The following HOMER2 variants were observed in gnomAD, a reference collection of about 807,000 sequenced individuals.
The protein encoded by HOMER2 is homer protein homolog 2.
In HOMER2, 27 loss-of-function variants were observed where a neutral mutation model predicts 47.0. The ratio of observed to expected loss-of-function variants is 0.57; its 90% CI spans 0.42 to 0.79. The LOEUF (loss-of-function observed/expected upper bound fraction) is 0.79. Ranked by LOEUF, HOMER2 falls within the 30% of genes least tolerant of loss-of-function variation. The probability of loss-of-function intolerance (pLI) is 0.00; values close to 1 mark genes in which losing one functional copy is unlikely to be tolerated. For missense variants in HOMER2, 443 were observed against 435.0 expected (o/e 1.02, Z -0.16); for synonymous variants, 161 against 163.8 (o/e 0.98, Z 0.13).
intron 7 of HOMER2, among the ~76,000 whole-genome samples, chr15:82,851,669 GTCTATAGTCCCAGCTACACA>G (rs2051400896): frequency 6.6e-6 from 1 of 152,228 alleles, no homozygotes; most frequent in Non-Finnish European, 1.5e-5. Flanking sequence ...CATGGCGTGT[GTCTATAGTCCCAGCTACACA>G]GGAGGCTGAG....
chr15:82,958,727 G>C (rs567038857), exon 2 of HOMER2: 73 of 152,576 alleles, frequency 4.8e-4, no homozygotes, highest in African/African-American at 1.7e-3. Context: ...GAGCCAGGGA[G>C]CTCTGGCAAT....
chr15:82,958,969 C>T (rs919002370), exon 2 of HOMER2: 1 of 152,382 alleles, frequency 6.6e-6, no homozygotes, highest in African/African-American at 2.4e-5. Flanking sequence ...TCATTGTCAC[C>T]CTTACCCCTA....
rs530572015 is a variant in HOMER2, at chr15:82,859,037, C to G, written c.486G>C (p.Leu162Phe). The G allele has an allele frequency of 3.7e-6, 6 of 1,613,832 alleles. No homozygotes were observed. The highest frequency in any genetic ancestry group is 4.5e-5 in the East Asian group (2 of 44,884). The change falls in exon 5 of 9, where the codon TTG becomes TTC. Residue 162 changes from leucine (L) to phenylalanine (F), a missense_variant. Physicochemically the swap from Leu to Phe is conservative, Grantham distance 22. Transcript: ENST00000450735. ...KSENDKLKIA[L>F]TQSAANVKKW... ...CTTTAAAACAGCCTTACCTCTGCGT[C>G]AAGGCAATCTTCAGCTTGTCATTCT... is the stretch of plus-strand genomic sequence containing the variant.
rs1375036297 is a variant in HOMER2, at chr15:82,932,066, A to G, written c.5+20465T>C. Among the ~76,000 whole-genome samples the G allele has an allele frequency of 2.0e-5, 3 of 152,212 alleles. No homozygotes were observed. In the East Asian group the frequency reaches 5.8e-4, roughly 29 times the overall value. On this transcript the variant is annotated intron_variant, in intron 1 of 8. Coordinates refer to ENST00000450735, the MANE Select transcript of HOMER2 (RefSeq NM_004839.4). ...CTACTACGAGATAAAGCTGTGCTCA[A>G]ACCCAGGCCTGGGGGGCCTAATTCA...
intron 1 of HOMER2, among the ~76,000 whole-genome samples, chr15:82,935,327 A>G (rs957979244): frequency 4.0e-5 from 6 of 151,658 alleles, no homozygotes; most frequent in African/African-American, 1.2e-4. Flanking sequence ...TGCTTAGGAC[A>G]CTTCTCCACT....
intron 1 of HOMER2, among the ~76,000 whole-genome samples, chr15:82,919,068 C>A (rs1446331030): frequency 6.6e-6 from 1 of 152,186 alleles, no homozygotes; most frequent in Non-Finnish European, 1.5e-5. Context: ...GGGCCTGGGC[C>A]ACAGGAGTCC....
At chr15:82,898,021 A>C (rs549968939) in intron 1 of HOMER2, among the ~76,000 whole-genome samples, 3 of 152,242 alleles carry the variant, frequency 2.0e-5, no homozygotes, top group Non-Finnish European at 4.4e-5. Flanking sequence ...CTTACTACAC[A>C]CCAAGCAAAC....
At chr15:82,860,977 G>GAGAGAGAGAGAGAGAGAGAGAGAGAGAA (rs71156059) in intron 4 of HOMER2, among the ~76,000 whole-genome samples, 68 of 144,330 alleles carry the variant, frequency 4.7e-4, no homozygotes, top group Admixed American at 6.1e-4. Context: ...GAGAGAGAGA[G>GAGAGAGAGAGAGAGAGAGAGAGAGAGAA]AGAGAAAGCG....
intron 3 of HOMER2, among the ~76,000 whole-genome samples, chr15:82,868,997 C>CT (rs1338676290): frequency 6.6e-6 from 1 of 152,126 alleles, no homozygotes; most frequent in East Asian, 1.9e-4. Flanking sequence ...AGTTACCACA[C>CT]TTTTTTTGGA....
chr15:82,844,866 G>A (rs2051217760), downstream of HOMER2: 1 of 152,188 alleles, frequency 6.6e-6, no homozygotes, highest in African/African-American at 2.4e-5. Context: ...AGCAGTACAA[G>A]AGGGTAAAAA....
At chr15:82,950,081 A>G (rs1448877976) in intron 1 of HOMER2, among the ~76,000 whole-genome samples, 1 of 152,180 alleles carries the variant, frequency 6.6e-6, no homozygotes, top group African/African-American at 2.4e-5. Context: ...AGGAGAAGGT[A>G]GCAGCAGCTG....
intron 3 of HOMER2, among the ~76,000 whole-genome samples, chr15:82,872,620 C>T (rs990948695): frequency 6.6e-6 from 1 of 152,194 alleles, no homozygotes. Flanking sequence ...GCCTTACCCA[C>T]CCGAAAATCC....
At chr15:82,922,292 G>A (rs1337390665) in intron 1 of HOMER2, among the ~76,000 whole-genome samples, 2 of 152,196 alleles carry the variant, frequency 1.3e-5, no homozygotes, top group Admixed American at 1.3e-4. Context: ...TAAAGCAAAT[G>A]AGTTCCATGG....
intron 1 of HOMER2, among the ~76,000 whole-genome samples, chr15:82,937,480 T>C (rs2061947): frequency 0.63 from 95,402 of 152,024 alleles, 31,149 homozygotes; most frequent in African/African-American, 0.81. Flanking sequence ...TAAGCTGCCC[T>C]CACACTGCCT....
intron 3 of HOMER2, among the ~76,000 whole-genome samples, chr15:82,871,703 C>T (rs991336304): frequency 6.6e-6 from 1 of 152,134 alleles, no homozygotes; most frequent in Non-Finnish European, 1.5e-5. Context: ...CAGGACGGTG[C>T]ACTCCTCCTT....
chr15:82,942,140 G>A (rs1265193540), intron 1 of HOMER2, among the ~76,000 whole-genome samples: 1 of 152,090 alleles, frequency 6.6e-6, no homozygotes, highest in Non-Finnish European at 1.5e-5. Flanking sequence ...CTCTAACTTC[G>A]TACAGAGTTA....
chr15:82,863,155 T>G (rs891007175), intron 4 of HOMER2, among the ~76,000 whole-genome samples: 1 of 152,130 alleles, frequency 6.6e-6, no homozygotes, highest in African/African-American at 2.4e-5. Context: ...CCAGGCCTCC[T>G]GGTTCTCTTC....
intron 1 of HOMER2, among the ~76,000 whole-genome samples, chr15:82,931,305 C>T (rs1483940831): frequency 1.3e-5 from 2 of 152,184 alleles, no homozygotes; most frequent in South Asian, 4.1e-4. Context: ...GTGTGACCAG[C>T]CTGGGCTGAC....
chr15:82,868,768 C>G (rs1242007319), intron 3 of HOMER2, among the ~76,000 whole-genome samples: 1 of 151,124 alleles, frequency 6.6e-6, no homozygotes, highest in East Asian at 1.9e-4. Flanking sequence ...CCAGGCTAGT[C>G]TCAAACTCCT....
Sources: allele counts gnomAD v4.1 joint callset (sites outside exome capture counted in the v4.1 genomes callset), GRCh38; gene constraint gnomAD v4.1.1; transcripts MANE v1.5; gene names NCBI Gene and HGNC (gene_info 2026-07-23, HGNC 2026-07-21).